SLC16A7: variants seen among roughly 807,000 people sequenced by gnomAD.
SLC16A7 encodes the protein solute carrier family 16 member 7, also known as monocarboxylate transporter 2.
SLC16A7 carries 33 observed loss-of-function variants against 34.9 expected under a neutral mutation model. The ratio of observed to expected loss-of-function variants is 0.94; its 90% CI spans 0.72 to 1.26. SLC16A7 has a LOEUF of 1.26. Ranked by LOEUF, SLC16A7 falls within the 50% of genes most tolerant of loss-of-function variation. SLC16A7 has a pLI of 0.00. For synonymous variants in SLC16A7, 201 were observed against 206.6 expected (o/e 0.97, Z 0.23); for missense variants, 573 against 578.1 (o/e 0.99, Z 0.09).
chr12:59,688,766 T>C (rs1871344613), intron 2 of SLC16A7, among the ~76,000 whole-genome samples: 1 of 152,024 alleles, frequency 6.6e-6, no homozygotes, highest in Admixed American at 6.6e-5. Flanking sequence ...GTAGGTAAGA[T>C]CTGTAAATAA....
In SLC16A7 at chr12:59,788,606, A is replaced by C. The variant is rs1883781446; in HGVS notation, c.*8927A>C. ...ATAATACATTTAAAATACCTGTCAA[A>C]GTTTTAAAATATAAGATAGAACCTT... On this transcript the variant is annotated 3_prime_UTR_variant, in exon 6 of 6. Coordinates refer to ENST00000547379, the MANE Select transcript of SLC16A7 (RefSeq NM_001270623.2). 1 of 152,048 alleles carries C rather than the reference A, an allele frequency of 6.6e-6. No homozygotes were observed. Among genetic ancestry groups the C allele is most frequent in the Admixed American group, 6.6e-5 (1 of 15,250 alleles). The allele number at this position is 152,048 out of a possible 1,614,324, so 9.4% of individuals were successfully genotyped here. A position where few individuals can be genotyped will look rare whatever the true frequency, so the allele number is the denominator to read the frequency against.
chr12:59,781,463 A>T lies in SLC16A7; in HGVS notation c.*1784A>T, dbSNP rs1300699809. 6.6e-6 allele frequency: 1 copy of T among 152,596 alleles called. No homozygotes were observed. Among genetic ancestry groups the T allele is most frequent in the African/African-American group, 2.4e-5 (1 of 41,464 alleles). The allele number at this position is 152,596 out of a possible 1,614,324, so 9.5% of individuals were successfully genotyped here. On this transcript the variant is annotated 3_prime_UTR_variant, in exon 6 of 6. Coordinates refer to ENST00000547379, the MANE Select transcript of SLC16A7 (RefSeq NM_001270623.2). ...ATTAAACATTTGATTCATAAAGTTAATTCACTGCTTAAGCATGTGGCTCAT... is the reference window on the plus strand; with the variant it reads ...ATTAAACATTTGATTCATAAAGTTATTTCACTGCTTAAGCATGTGGCTCAT...
chr12:59,757,685 C>T (rs1205442812), intron 3 of SLC16A7, among the ~76,000 whole-genome samples: 2 of 152,136 alleles, frequency 1.3e-5, no homozygotes, highest in Non-Finnish European at 2.9e-5. Context: ...CTTCCACCTC[C>T]TCCACCTCTT....
Position 59,596,673 on chromosome 12 carries a change from G to T in SLC16A7, c.-130+437G>T, listed in dbSNP as rs1216806531. ...TCTAGTGCGCGCCCCGCCAGCATCC[G>T]GCCCCCGAGCCCCCTAGGGTGGCGT... On this transcript the variant is annotated intron_variant, in intron 1 of 5. Coordinates refer to ENST00000547379, the MANE Select transcript of SLC16A7 (RefSeq NM_001270623.2). The surrounding 1 kb of genome is among the most constrained non-coding windows in gnomAD (Gnocchi z 5.0). 6.6e-6 allele frequency among the ~76,000 whole-genome samples: 1 copy of T among 152,144 alleles called. No homozygotes were observed. Among genetic ancestry groups the T allele is most frequent in the Non-Finnish European group, 1.5e-5 (1 of 68,016 alleles).
At chr12:59,619,051 T>C (rs897544264) in intron 1 of SLC16A7, among the ~76,000 whole-genome samples, 1 of 152,108 alleles carries the variant, frequency 6.6e-6, no homozygotes, top group African/African-American at 2.4e-5. Flanking sequence ...ATGTTAAATG[T>C]ATCTAATGTG....
intron 3 of SLC16A7, among the ~76,000 whole-genome samples, chr12:59,751,347 T>C (rs1313230077): frequency 6.6e-6 from 1 of 152,174 alleles, no homozygotes; most frequent in African/African-American, 2.4e-5. Flanking sequence ...TTCCCTTTCC[T>C]AGTCAAAGAA....
At chr12:59,747,740 T>G (rs1592630430) in intron 3 of SLC16A7, among the ~76,000 whole-genome samples, 2 of 152,316 alleles carry the variant, frequency 1.3e-5, no homozygotes, top group African/African-American at 4.8e-5. Flanking sequence ...TAGGGTATGG[T>G]TGTATAACCG....
chr12:59,735,890 A>G (rs1877532126), intron 3 of SLC16A7: 7 of 1,111,338 alleles, frequency 6.3e-6, no homozygotes, highest in Non-Finnish European at 8.0e-6. Context: ...AACCTTTCAA[A>G]TGGCCCCTAA....
chr12:59,759,748 A>G (rs1039122822), intron 3 of SLC16A7, among the ~76,000 whole-genome samples: 32 of 151,970 alleles, frequency 2.1e-4, no homozygotes. Flanking sequence ...TGCCTCTGAG[A>G]TATAGAACAA....
At chr12:59,749,860 A>T (rs1339850080) in intron 3 of SLC16A7, among the ~76,000 whole-genome samples, 4 of 152,220 alleles carry the variant, frequency 2.6e-5, no homozygotes, top group Non-Finnish European at 5.9e-5. Context: ...GATAATAAAA[A>T]TCACACCAGA....
In SLC16A7 at chr12:59,787,282, C is replaced by G. The variant is rs558133640; in HGVS notation, c.*7603C>G. ...TAGCATAGTCTTGAGGAGAACACCTCTACAGTATTTCTTGATCTAAGAACC... is the reference window on the plus strand; with the variant it reads ...TAGCATAGTCTTGAGGAGAACACCTGTACAGTATTTCTTGATCTAAGAACC... On this transcript the variant is annotated 3_prime_UTR_variant, in exon 6 of 6. Coordinates refer to ENST00000547379, the MANE Select transcript of SLC16A7 (RefSeq NM_001270623.2). 6.6e-6 allele frequency: 1 copy of G among 152,242 alleles called. No individual in the cohort carries two copies. Among genetic ancestry groups the G allele is most frequent in the Non-Finnish European group, 1.5e-5 (1 of 68,028 alleles). The allele number at this position is 152,242 out of a possible 1,614,324, so 9.4% of individuals were successfully genotyped here. A position where few individuals can be genotyped will look rare whatever the true frequency, so the allele number is the denominator to read the frequency against.
At chr12:59,672,248 ATGTGTATATATG>A (rs1191211033) in intron 2 of SLC16A7, among the ~76,000 whole-genome samples, 6 of 146,190 alleles carry the variant, frequency 4.1e-5, no homozygotes, top group Admixed American at 6.9e-5. Context: ...ACGTATATAT[ATGTGTATATATG>A]CATATATACG....
At chr12:59,768,290 T>C in intron 3 of SLC16A7, 1 of 440,242 alleles carries the variant, frequency 2.3e-6, no homozygotes, top group Non-Finnish European at 4.6e-6. Flanking sequence ...TCAATCCTCA[T>C]GGGTGACTTT....
intron 2 of SLC16A7, among the ~76,000 whole-genome samples, chr12:59,685,773 ATCT>A (rs1871105639): frequency 6.6e-6 from 1 of 152,176 alleles, no homozygotes; most frequent in Non-Finnish European, 1.5e-5. Context: ...TTTGAAAAAA[ATCT>A]TCATGTGATT....
rs1406189824 is a variant in SLC16A7, at chr12:59,704,797, C to T, written c.-5C>T. On this transcript the variant is annotated 5_prime_UTR_variant, in exon 3 of 6. Transcript: ENST00000547379. ...GTTACTTGAATTTCCACTAGAGGAG[C>T]AGAAATGCCACCAATGCCAAGTGCC... is the stretch of plus-strand genomic sequence containing the variant. The T allele has an allele frequency of 1.2e-6, 2 of 1,604,260 alleles. No individual in the cohort carries two copies. The highest frequency in any genetic ancestry group is 1.7e-5 in the Admixed American group (1 of 59,782).
chr12:59,745,822 T>C (rs980136673), intron 3 of SLC16A7, among the ~76,000 whole-genome samples: 2 of 152,238 alleles, frequency 1.3e-5, no homozygotes, highest in Non-Finnish European at 2.9e-5. Context: ...AGTTTAATTA[T>C]CTTTTGTTCA....
At chr12:59,742,815 T>C (rs1878487637) in intron 3 of SLC16A7, among the ~76,000 whole-genome samples, 1 of 152,222 alleles carries the variant, frequency 6.6e-6, no homozygotes, top group Non-Finnish European at 1.5e-5. Flanking sequence ...GAAGATTCTC[T>C]TTCCTTCAGC....
intron 1 of SLC16A7, among the ~76,000 whole-genome samples, chr12:59,632,553 C>A (rs1171356648): frequency 6.6e-6 from 1 of 151,850 alleles, no homozygotes; most frequent in Non-Finnish European, 1.5e-5. Flanking sequence ...CTTGCACAAC[C>A]CTGAATTCCT....
intron 2 of SLC16A7, among the ~76,000 whole-genome samples, chr12:59,694,377 T>G (rs1872030708): frequency 6.6e-6 from 1 of 151,968 alleles, no homozygotes; most frequent in Non-Finnish European, 1.5e-5. Context: ...TGGGGTATGA[T>G]TTACATACAA....
Sources: allele counts gnomAD v4.1 joint callset (sites outside exome capture counted in the v4.1 genomes callset), GRCh38; gene constraint gnomAD v4.1.1; non-coding constraint Gnocchi (gnomAD v3.1); transcripts MANE v1.5; gene names NCBI Gene and HGNC (gene_info 2026-07-23, HGNC 2026-07-21).